The following SSBP3 variants were observed in gnomAD, a reference collection of about 807,000 sequenced individuals.
SSBP3 encodes the protein single-stranded DNA-binding protein 3.
Under a neutral mutation model 69.6 loss-of-function variants are expected in SSBP3, and 5 were observed. The ratio of observed to expected loss-of-function variants is 0.07; its 90% confidence interval spans 0.04 to 0.15. The LOEUF is 0.15. SSBP3 is among the 10% of genes least tolerant of loss of function. SSBP3 has a pLI of 1.00. For missense variants in SSBP3, 312 were observed against 534.0 expected, an observed-to-expected ratio of 0.58 and a Z score of 4.10; for synonymous variants, 196 against 193.4, an observed-to-expected ratio of 1.01 and a Z score of -0.11.
chr1:54,395,703 C>A (rs1460874646), intron 4 of SSBP3, among the ~76,000 whole-genome samples: 2 of 152,162 alleles, frequency 1.3e-5, no homozygotes, highest in Admixed American at 1.3e-4. Flanking sequence ...AAAACTGAGG[C>A]TCCCGGCCAG....
rs773720580 is a variant in SSBP3 at position 54,240,972 on chromosome 1, C to T, written c.802-13G>A. 1.2e-5 allele frequency: 19 copies of T among 1,603,788 alleles called. No individual in the cohort carries two copies. The highest frequency in any genetic ancestry group is 3.3e-5 in the South Asian group (3 of 89,890). On this transcript the variant is annotated splice_polypyrimidine_tract_variant and intron_variant, in intron 12 of 17. Transcript: ENST00000610401. ...CACCAGGGGGTCCCTAAAGATGAGA[C>T]AAAACTGACATCAGACACCCACGGT...
intron 3 of SSBP3, 24 bp from the exon 4 acceptor site, chr1:54,401,969 G>A: frequency 6.2e-7 from 1 of 1,602,720 alleles, no homozygotes; most frequent in African/African-American, 1.3e-5. Flanking sequence ...AATAAAATAA[G>A]GTCAGGTTAC....
chr1:54,231,426 A>G (rs964242363), intron 14 of SSBP3, among the ~76,000 whole-genome samples: 1 of 152,212 alleles, frequency 6.6e-6, no homozygotes, highest in Non-Finnish European at 1.5e-5. Context: ...TTTGAATTCA[A>G]GTCCCTTATC....
At chr1:54,357,384 G>A (rs1175400123) in intron 4 of SSBP3, among the ~76,000 whole-genome samples, 1 of 152,168 alleles carries the variant, frequency 6.6e-6, no homozygotes, top group Non-Finnish European at 1.5e-5. Flanking sequence ...GAGAAGGAAG[G>A]TAGGTCAATG....
chr1:54,367,465 G>C (rs79117409), intron 4 of SSBP3, among the ~76,000 whole-genome samples: 4,349 of 152,248 alleles, frequency 0.029, 107 homozygotes, highest in African/African-American at 0.062. Flanking sequence ...CTTACACAGG[G>C]AAAAGCATCT....
At chr1:54,342,619 G>A (rs1210827745) in intron 4 of SSBP3, among the ~76,000 whole-genome samples, 1 of 152,170 alleles carries the variant, frequency 6.6e-6, no homozygotes, top group Non-Finnish European at 1.5e-5. Flanking sequence ...GGGGAAGGCA[G>A]AGAACACTGG....
chr1:54,403,424 C>T (rs1379130729), intron 3 of SSBP3, among the ~76,000 whole-genome samples: 1 of 152,168 alleles, frequency 6.6e-6, no homozygotes, highest in Non-Finnish European at 1.5e-5. Context: ...TCTACAAGAT[C>T]CAAGCCGATC....
At chr1:54,280,974 G>A (rs1413101333) in intron 5 of SSBP3, among the ~76,000 whole-genome samples, 2 of 152,058 alleles carry the variant, frequency 1.3e-5, no homozygotes, top group Non-Finnish European at 2.9e-5. Flanking sequence ...CAGGATGGTG[G>A]GTTTTTGTGT....
chr1:54,397,234 C>T (rs1191586110), intron 4 of SSBP3, among the ~76,000 whole-genome samples: 6 of 152,230 alleles, frequency 3.9e-5, no homozygotes, highest in African/African-American at 1.4e-4. Context: ...AGCTGCAGGC[C>T]TTCTCCACCT....
chr1:54,270,598 T>C (rs1293847489), intron 5 of SSBP3, among the ~76,000 whole-genome samples: 2 of 152,202 alleles, frequency 1.3e-5, no homozygotes, highest in Non-Finnish European at 2.9e-5. Flanking sequence ...GGCTGTGCCA[T>C]GCCCCTAAGA....
At chr1:54,305,966 T>G (rs571615519) in intron 4 of SSBP3, among the ~76,000 whole-genome samples, 10 of 151,446 alleles carry the variant, frequency 6.6e-5, no homozygotes, top group African/African-American at 2.4e-4. Flanking sequence ...CAGTCCTCAT[T>G]TGTAAAAGTA....
intron 4 of SSBP3, among the ~76,000 whole-genome samples, chr1:54,351,897 A>C (rs1405853042): frequency 1.3e-5 from 2 of 152,098 alleles, no homozygotes; most frequent in East Asian, 3.9e-4. Flanking sequence ...CCATCCAAAC[A>C]TCTGTATGTT....
At chr1:54,349,587 C>G (rs1453721391) in intron 4 of SSBP3, among the ~76,000 whole-genome samples, 1 of 152,090 alleles carries the variant, frequency 6.6e-6, no homozygotes, top group Non-Finnish European at 1.5e-5. Flanking sequence ...AGGCTTCAGC[C>G]TTGAAAAGGC....
intron 4 of SSBP3, among the ~76,000 whole-genome samples, chr1:54,374,244 G>C (rs1249946751): frequency 2.0e-5 from 3 of 152,194 alleles, no homozygotes; most frequent in Admixed American, 1.3e-4. Context: ...GGCAGCCCAC[G>C]GCGTGTTGGG....
In SSBP3 at chr1:54,240,968, G is replaced by A. The variant is rs117493672; in HGVS notation, c.802-9C>T. The A allele has an allele frequency of 4.6e-4, 736 of 1,606,130 alleles. 11 individuals are homozygous for A. In the East Asian group the frequency reaches 0.016, roughly 36 times the overall value. ...CCACCACCAGGGGGTCCCTAAAGAT[G>A]AGACAAAACTGACATCAGACACCCA... On this transcript the variant is annotated splice_polypyrimidine_tract_variant and intron_variant, in intron 12 of 17. Coordinates refer to ENST00000610401, the Ensembl canonical transcript of SSBP3.
chr1:54,252,382 G>C (rs1644845280), intron 7 of SSBP3, among the ~76,000 whole-genome samples: 1 of 152,258 alleles, frequency 6.6e-6, no homozygotes, highest in African/African-American at 2.4e-5. Flanking sequence ...AAGAGGATGA[G>C]GAGGCTTTTA....
chr1:54,242,114 C>A, intron 11 of SSBP3, 50 bp downstream of exon 11: 1 of 1,606,908 alleles, frequency 6.2e-7, no homozygotes, highest in Non-Finnish European at 8.5e-7. Context: ...TCCCCTGCAC[C>A]CAGAACCGCT....
intron 17 of SSBP3, among the ~76,000 whole-genome samples, chr1:54,227,925 A>T (rs952591340): frequency 5.3e-5 from 8 of 152,134 alleles, no homozygotes; most frequent in African/African-American, 1.9e-4. Flanking sequence ...GGCTGCACGA[A>T]CCTTTCCCCA....
At chr1:54,253,612 G>A (rs1287349101) in intron 7 of SSBP3, among the ~76,000 whole-genome samples, 2 of 152,162 alleles carry the variant, frequency 1.3e-5, no homozygotes, top group South Asian at 2.1e-4. Context: ...CTGCTTCCTG[G>A]CCCCAGGTTC....
Sources: gnomAD v4.1 joint callset for allele counts (sites outside exome capture counted in the v4.1 genomes callset) on GRCh38, gnomAD v4.1.1 for gene constraint, MANE v1.5 for transcripts, NCBI Gene and HGNC (gene_info 2026-07-23, HGNC 2026-07-21) for gene names.